CPSF1: variants seen among roughly 807,000 people sequenced by gnomAD.
The protein encoded by CPSF1 is cleavage and polyadenylation specificity factor subunit 1.
CPSF1 carries 106 observed loss-of-function variants against 175.8 expected under a neutral mutation model. That is an observed-to-expected ratio of 0.60 (90% CI 0.52 to 0.71). The LOEUF is 0.71. Ranked by LOEUF, CPSF1 falls within the 30% of genes least tolerant of loss-of-function variation. The pLI is 0.00. For synonymous variants in CPSF1, 1,024 were observed against 858.3 expected (o/e 1.19, Z -3.37); for missense variants, 1,734 against 2,022.9 (o/e 0.86, Z 2.74).
Position 144,399,259 on chromosome 8 carries a change from T to C in CPSF1, c.1392+17A>G. On this transcript the variant is annotated intron_variant, in intron 14 of 37. Coordinates refer to ENST00000616140, the MANE Select transcript of CPSF1 (RefSeq NM_013291.3). The surrounding 1 kb of genome is among the most constrained non-coding windows in gnomAD (Gnocchi z 6.4). ...GGGGCGCTGGCTGGGACGGGGGCCC[T>C]GCTGCCTCAATCTCACCTCAAAGGA... The C allele has an allele frequency of 6.2e-7, 1 of 1,612,276 alleles. No individual in the cohort carries two copies. Among genetic ancestry groups the C allele is most frequent in the South Asian group, 1.1e-5 (1 of 91,010 alleles).
Position 144,397,832 on chromosome 8 carries a change from C to T in CPSF1, c.2121G>A (p.Met707Ile), listed in dbSNP as rs1554864616. ...CACCCAGGCGGCTCTCAGTGGTGAACATGCCGCTGAGGTCTCGGTACAGGC... is the reference window on the plus strand; with the variant it reads ...CACCCAGGCGGCTCTCAGTGGTGAATATGCCGCTGAGGTCTCGGTACAGGC... ...TLCLYRDLSG[M>I]FTTESRLGGA... Residue 707 changes from methionine to isoleucine, a missense_variant, in exon 21 of 38, where the codon ATG becomes ATA. Physicochemically the swap from Met to Ile is conservative, Grantham distance 10. Transcript: ENST00000616140. 4.3e-6 allele frequency: 7 copies of T among 1,611,432 alleles called. No homozygotes were observed. Among genetic ancestry groups the T allele is most frequent in the Non-Finnish European group, 5.9e-6 (7 of 1,179,426 alleles).
chr8:144,400,134 G>GCCCCCCCCCC (rs782373475), intron 9 of CPSF1, 32 bp downstream of exon 9: 78 of 966,476 alleles, frequency 8.1e-5, no homozygotes, highest in African/African-American at 1.9e-4. Flanking sequence ...GCCGTCCCCG[G>GCCCCCCCCCC]GCCCCCCCCG....
chr8:144,406,710 G>A (rs1296049775), intron 2 of CPSF1, among the ~76,000 whole-genome samples: 5 of 152,086 alleles, frequency 3.3e-5, no homozygotes, highest in Admixed American at 6.5e-5. Flanking sequence ...GCCAACCTAC[G>A]GTGGCCAGCG....
intron 27 of CPSF1, 31 bp downstream of exon 27, chr8:144,395,404 G>T: frequency 1.2e-6 from 2 of 1,612,916 alleles, no homozygotes; most frequent in Non-Finnish European, 1.7e-6. Flanking sequence ...AGGCCCAGAA[G>T]GTCCCTGGTG....
chr8:144,408,777 A>C (rs2116911810), intron 2 of CPSF1, among the ~76,000 whole-genome samples: 4,445 of 152,328 alleles, frequency 0.029, 102 homozygotes, highest in Non-Finnish European at 0.046. Context: ...AAGAGCAAAC[A>C]AGACGGCTAG....
intron 2 of CPSF1, among the ~76,000 whole-genome samples, chr8:144,407,348 T>TAGG (rs1341463571): frequency 2.0e-5 from 3 of 151,976 alleles, no homozygotes; most frequent in African/African-American, 7.3e-5. Flanking sequence ...CCCATGTAGC[T>TAGG]AGGACTACAC....
intron 7 of CPSF1, 72 bp downstream of exon 7, chr8:144,400,599 C>G: frequency 2.5e-6 from 4 of 1,596,180 alleles, no homozygotes; most frequent in Non-Finnish European, 3.4e-6. Flanking sequence ...CGCCCTAAAC[C>G]CCATGGGCCC....
intron 26 of CPSF1, 57 bp from the exon 27 acceptor site, chr8:144,395,608 C>G: frequency 6.9e-7 from 1 of 1,451,738 alleles, no homozygotes; most frequent in South Asian, 1.2e-5. Context: ...CAGGGGCAGG[C>G]AGGCCCAGGC....
In CPSF1 at chr8:144,399,120, C is replaced by T; in HGVS notation, c.1467+8G>A. On this transcript the variant is annotated splice_region_variant and intron_variant, in intron 15 of 37. Transcript: ENST00000616140. The surrounding 1 kb of genome is among the most constrained non-coding windows in gnomAD (Gnocchi z 6.4). ...CCTGCCCCCAGCCCCGACCCCAACC[C>T]TGGGCACCTCTTCAGAGAGGAAGGC... is the stretch of plus-strand genomic sequence containing the variant. The T allele has an allele frequency of 6.4e-7, 1 of 1,560,194 alleles. No individual in the cohort carries two copies. The highest frequency in any genetic ancestry group is 8.7e-7 in the Non-Finnish European group (1 of 1,152,724).
Position 144,397,835 on chromosome 8 carries a change from G to A in CPSF1, c.2118C>T (p.Gly706=). ...ITLCLYRDLS[G]MFTTESRLGG... ...CCAGGCGGCTCTCAGTGGTGAACAT[G>A]CCGCTGAGGTCTCGGTACAGGCACA... Residue 706 remains glycine, a synonymous_variant, in exon 21 of 38, where the codon GGC becomes GGT. Coordinates refer to ENST00000616140, the MANE Select transcript of CPSF1 (RefSeq NM_013291.3). The A allele has an allele frequency of 6.2e-7, 1 of 1,611,304 alleles. No individual in the cohort carries two copies. The highest frequency in any genetic ancestry group is 8.5e-7 in the Non-Finnish European group (1 of 1,179,386).
chr8:144,400,401 C>G lies in CPSF1; in HGVS notation c.779G>C (p.Ser260Thr). 1.2e-6 allele frequency: 2 copies of G among 1,613,888 alleles called. No individual in the cohort carries two copies. The highest frequency in any genetic ancestry group is 1.1e-5 in the South Asian group (1 of 91,090). ...KVHPVIWSLTSLPFDCTQALA... is the reference protein window; with the variant it reads ...KVHPVIWSLTTLPFDCTQALA... ...AGCCTGGGTGCAGTCAAAGGGCAGG[C>G]TGGTGAGGGACCAGATGACGGGGTG... is the stretch of plus-strand genomic sequence containing the variant. The change falls in exon 8 of 38, where the codon AGC becomes ACC. Residue 260 changes from serine (S) to threonine (T), a missense_variant. By Grantham distance (58) the Ser-to-Thr change is moderately conservative. Around this residue, in one of 10 missense-constraint regions of CPSF1, gnomAD observed 61 missense variants for 104.0 expected, o/e 0.59. Transcript: ENST00000616140.
intron 7 of CPSF1, 63 bp downstream of exon 7, chr8:144,400,608 C>T: frequency 1.1e-5 from 18 of 1,595,378 alleles, no homozygotes; most frequent in Non-Finnish European, 1.5e-5. Context: ...CCCCATGGGC[C>T]CCACCCCAGG....
rs1554863714 is a variant in CPSF1, at chr8:144,396,401, CGAAA to C, written c.2922_2925del (p.Phe975LeufsTer21). On this transcript the variant is annotated frameshift_variant, in exon 26 of 38. Coordinates refer to ENST00000616140, the MANE Select transcript of CPSF1 (RefSeq NM_013291.3). LOFTEE classifies it high-confidence loss of function. Reference sequence around the variant, plus strand: ...GGACAGTTGACATTGTGGAATGGAGCGAAAGAGTCGACCGGGCCGTCGATGGCCA... The same window carrying C: ...GGACAGTTGACATTGTGGAATGGAGCGAGTCGACCGGGCCGTCGATGGCCA... 4 of 1,589,808 alleles carry C rather than the reference CGAAA, an allele frequency of 2.5e-6. No individual in the cohort carries two copies. Among genetic ancestry groups the C allele is most frequent in the Non-Finnish European group, 8.5e-7 (1 of 1,170,756 alleles).
chr8:144,407,700 C>G (rs1821567939), intron 2 of CPSF1, among the ~76,000 whole-genome samples: 1 of 151,828 alleles, frequency 6.6e-6, no homozygotes, highest in African/African-American at 2.4e-5. Context: ...CTCCGTCTCA[C>G]CAGGAAAAAC....
At chr8:144,393,386 G>T (rs781944843) in intron 37 of CPSF1, 21 bp from the exon 38 acceptor site, 2 of 674,288 alleles carry the variant, frequency 3.0e-6, no homozygotes, top group African/African-American at 2.0e-5. Context: ...TGGAAGGGTG[G>T]GTGGGTGGGT....
intron 2 of CPSF1, among the ~76,000 whole-genome samples, chr8:144,406,443 T>C (rs1320658422): frequency 6.6e-6 from 1 of 152,176 alleles, no homozygotes; most frequent in Non-Finnish European, 1.5e-5. Context: ...CTGTCCAGCT[T>C]TCCCCCTGCC....
Position 144,400,091 on chromosome 8 carries a change from G to T in CPSF1, c.938-6C>A. ...CCGCACACCCTCCTGGGTGCCTGTG[G>T]GGTGGGTGGTCAGGCCGACTAGGCA... is the stretch of plus-strand genomic sequence containing the variant. On this transcript the variant is annotated splice_polypyrimidine_tract_variant and splice_region_variant and intron_variant, in intron 9 of 37. Coordinates refer to ENST00000616140, the MANE Select transcript of CPSF1 (RefSeq NM_013291.3). 6.2e-7 allele frequency: 1 copy of T among 1,610,688 alleles called. No individual in the cohort carries two copies. Among genetic ancestry groups the T allele is most frequent in the East Asian group, 2.2e-5 (1 of 44,816 alleles).
Position 144,393,573 on chromosome 8 carries a change from C to G in CPSF1, c.4163G>C (p.Arg1388Pro). The change falls in exon 37 of 38, where the codon CGC becomes CCC. Residue 1388 changes from arginine to proline, a missense_variant. Coordinates refer to ENST00000616140, the MANE Select transcript of CPSF1 (RefSeq NM_013291.3). The part of the protein sequence containing the change: ...PRAFRMLHVD[R>P]RTLQNAVRNV... ...GCGCACGGCATTCTGGAGGGTGCGG[C>G]GGTCCACGTGCAGCATCCTGGGGCG... is the stretch of plus-strand genomic sequence containing the variant. 1 of 1,604,588 alleles carries G rather than the reference C, an allele frequency of 6.2e-7. No homozygotes were observed. Among genetic ancestry groups the G allele is most frequent in the Non-Finnish European group, 8.5e-7 (1 of 1,177,714 alleles).
rs2116881079 is a variant in CPSF1 at position 144,401,064 on chromosome 8, C to T, written c.399G>A (p.Val133=). The T allele has an allele frequency of 9.3e-6, 15 of 1,606,686 alleles. No individual in the cohort carries two copies. The highest frequency in any genetic ancestry group is 1.7e-4 in the Middle Eastern group (1 of 6,036). The change falls in exon 6 of 38, where the codon GTG becomes GTA. Residue 133 remains valine (V), a synonymous_variant. Transcript: ENST00000616140. ...FEEPELRDGF[V]QNVHTPRVRV... Reference sequence around the variant, plus strand: ...GCACTCGCGGCGTGTGTACATTCTGCACAAACCCGTCCTGGGGGCAGAGGG... The same window carrying T: ...GCACTCGCGGCGTGTGTACATTCTGTACAAACCCGTCCTGGGGGCAGAGGG...
Sources: allele counts gnomAD v4.1 joint callset (sites outside exome capture counted in the v4.1 genomes callset), GRCh38; gene constraint gnomAD v4.1.1; regional missense constraint gnomAD v4.1.1; non-coding constraint Gnocchi (gnomAD v3.1); transcripts MANE v1.5; gene names NCBI Gene and HGNC (gene_info 2026-07-23, HGNC 2026-07-21).